The following ABCC4 variants were observed in gnomAD, a reference collection of about 807,000 sequenced individuals.
ABCC4 encodes the protein ATP binding cassette subfamily C member 4 (PEL blood group).
In ABCC4, 102 loss-of-function variants were observed where a neutral mutation model predicts 168.5. The observed-to-expected ratio is 0.61, with a 90% confidence interval of 0.52 to 0.71. ABCC4 has a LOEUF of 0.71. Among genes scored for constraint, ABCC4 ranks in the 30% least tolerant of loss-of-function variants. The pLI is 0.00. For synonymous variants in ABCC4, 617 were observed against 590.7 expected (o/e 1.04, Z -0.65); for missense variants, 1,402 against 1,605.8 (o/e 0.87, Z 2.17).
At chr13:95,057,429 G>T (rs2033105959) in intron 26 of ABCC4, among the ~76,000 whole-genome samples, 1 of 152,058 alleles carries the variant, frequency 6.6e-6, no homozygotes, top group Non-Finnish European at 1.5e-5. Context: ...TAGTAGAGAC[G>T]GGGTTTTACC....
rs71207571 is a variant in ABCC4 at position 95,029,988 on chromosome 13, TATCCATCC to T, written c.3870+4609_3870+4616del. On this transcript the variant is annotated intron_variant, in intron 30 of 30. Coordinates refer to ENST00000645237, the MANE Select transcript of ABCC4 (RefSeq NM_005845.5). The stretch of plus-strand genomic sequence containing the variant: ...AGGATGTCAGGACTTCTTGTCTATC[TATCCATCC>T]ATCCATCCATCCATCCATCCATCCA... 6.8e-5 allele frequency among the ~76,000 whole-genome samples: 10 copies of T among 146,442 alleles called. No individual in the cohort carries two copies. The South Asian group carries it at 9.2e-4, about 13-fold the overall frequency.
Position 95,299,857 on chromosome 13 carries a change from C to G in ABCC4, c.74+1384G>C, listed in dbSNP as rs537114349. ...TTCCCCCACACACACCCGCCACTCC[C>G]CCAAGACGGAGTCTCACTCTGTCAC... On this transcript the variant is annotated intron_variant, in intron 1 of 30. Transcript: ENST00000645237. 1.7e-4 allele frequency among the ~76,000 whole-genome samples: 26 copies of G among 152,220 alleles called. 1 individual carries two copies. The South Asian group carries it at 1.9e-3, about 11-fold the overall frequency.
intron 24 of ABCC4, among the ~76,000 whole-genome samples, chr13:95,072,470 T>C (rs2033764163): frequency 6.6e-6 from 1 of 152,066 alleles, no homozygotes; most frequent in Non-Finnish European, 1.5e-5. Context: ...CCCTCACCCC[T>C]ACCCCCCAAA....
At chr13:95,110,785 T>C (rs1396381810) in intron 20 of ABCC4, among the ~76,000 whole-genome samples, 2 of 151,556 alleles carry the variant, frequency 1.3e-5, no homozygotes, top group Non-Finnish European at 2.9e-5. Flanking sequence ...CTGGGCAAAA[T>C]GGTGAAACCC....
intron 20 of ABCC4, among the ~76,000 whole-genome samples, 159 bp downstream of exon 20, chr13:95,115,763 G>A (rs2035354907): frequency 6.6e-6 from 1 of 152,144 alleles, no homozygotes; most frequent in Non-Finnish European, 1.5e-5. Context: ...TAGCCTCTGA[G>A]TTATAACCGC....
intron 21 of ABCC4, among the ~76,000 whole-genome samples, chr13:95,078,316 A>G (rs1344593045): frequency 1.1e-4 from 17 of 152,144 alleles, no homozygotes; most frequent in Admixed American, 1.1e-3. Flanking sequence ...GGAAGCTGAG[A>G]CGGGAGAATT....
intron 29 of ABCC4, chr13:95,043,432 T>C (rs2032444317): frequency 4.8e-6 from 2 of 415,026 alleles, no homozygotes; most frequent in Admixed American, 7.7e-5. Flanking sequence ...GAATCTTAGA[T>C]TTGGAATATT....
intron 20 of ABCC4, among the ~76,000 whole-genome samples, chr13:95,106,057 C>T (rs565562740): frequency 6.6e-6 from 1 of 152,214 alleles, no homozygotes; most frequent in South Asian, 2.1e-4. Flanking sequence ...ATCACACATC[C>T]TTGTTTAACC....
chr13:95,131,820 G>A (rs1594151032), intron 19 of ABCC4, among the ~76,000 whole-genome samples: 1 of 152,036 alleles, frequency 6.6e-6, no homozygotes, highest in East Asian at 1.9e-4. Context: ...GGGATGTGAA[G>A]GAATTAGAAT....
intron 26 of ABCC4, among the ~76,000 whole-genome samples, chr13:95,061,044 T>C (rs1335360556): frequency 6.6e-6 from 1 of 152,220 alleles, no homozygotes; most frequent in Non-Finnish European, 1.5e-5. Context: ...ATAATGTCTT[T>C]AGGGTATATC....
intron 3 of ABCC4, among the ~76,000 whole-genome samples, chr13:95,239,578 A>G (rs1375728031): frequency 6.6e-6 from 1 of 152,208 alleles, no homozygotes; most frequent in East Asian, 1.9e-4. Flanking sequence ...ATAGACTCCC[A>G]CTAGCCAAAG....
At chr13:95,154,604 C>A (rs138944003) in intron 19 of ABCC4, among the ~76,000 whole-genome samples, 1 of 152,274 alleles carries the variant, frequency 6.6e-6, no homozygotes, top group Admixed American at 6.5e-5. Context: ...TATTTTAGCA[C>A]GAAGCTTTGC....
At chr13:95,231,648 G>A (rs1489477202) in intron 4 of ABCC4, among the ~76,000 whole-genome samples, 1 of 152,208 alleles carries the variant, frequency 6.6e-6, no homozygotes, top group Non-Finnish European at 1.5e-5. Context: ...GGCAGGACAT[G>A]AGGATATTCG....
chr13:95,272,081 G>A, intron 1 of ABCC4, among the ~76,000 whole-genome samples: 1 of 148,712 alleles, frequency 6.7e-6, no homozygotes. Flanking sequence ...TTTCGCTCTT[G>A]TTGCCCAGGC....
chr13:95,040,783 G>GA (rs149116995), intron 29 of ABCC4, among the ~76,000 whole-genome samples: 9,034 of 152,232 alleles, frequency 0.059, 343 homozygotes, highest in Non-Finnish European at 0.086. Flanking sequence ...TTTCTCTGAG[G>GA]AAACGCTACT....
chr13:95,174,394 TC>T (rs1430187325), intron 13 of ABCC4, among the ~76,000 whole-genome samples: 1 of 152,238 alleles, frequency 6.6e-6, no homozygotes, highest in Non-Finnish European at 1.5e-5. Flanking sequence ...TATTGTTCAA[TC>T]CAATTTTCTA....
At chr13:95,139,675 G>A (rs1003551355) in intron 19 of ABCC4, among the ~76,000 whole-genome samples, 1 of 152,188 alleles carries the variant, frequency 6.6e-6, no homozygotes, top group Non-Finnish European at 1.5e-5. Context: ...AATTCATCTT[G>A]TTCTTTGTTC....
intron 1 of ABCC4, among the ~76,000 whole-genome samples, chr13:95,297,270 A>AAC (rs1404760358): frequency 2.6e-5 from 4 of 150,968 alleles, no homozygotes; most frequent in Non-Finnish European, 4.4e-5. Context: ...CTGTCTCATA[A>AAC]AAAAAAAAAA....
rs56169430 is a variant in ABCC4, at chr13:95,097,592, C to CTTT, written c.2536-14305_2536-14303dup. On this transcript the variant is annotated intron_variant, in intron 20 of 30. Transcript: ENST00000645237. ...ACTCCACAGCTACAGAATATACATT[C>CTTT]TTTTTTTTTTTTTTTTTTTTTTTTC... Among the ~76,000 whole-genome samples, 352 of 82,092 alleles carry CTTT rather than the reference C, an allele frequency of 4.3e-3. 17 individuals carry two copies. Among genetic ancestry groups the CTTT allele is most frequent in the East Asian group, 0.027 (63 of 2,360 alleles). 53.9% of individuals were successfully genotyped at this position (82,092 alleles called of 152,430 possible). A position where few individuals can be genotyped will look rare whatever the true frequency, so the allele number is the denominator to read the frequency against.
Sources: allele counts gnomAD v4.1 joint callset (sites outside exome capture counted in the v4.1 genomes callset), GRCh38; gene constraint gnomAD v4.1.1; transcripts MANE v1.5; gene names NCBI Gene and HGNC (gene_info 2026-07-23, HGNC 2026-07-21).